The following LYSMD2 variants were observed in gnomAD, a reference collection of about 807,000 sequenced individuals.
LYSMD2 encodes the protein LysM domain containing 2.
In LYSMD2, 6 loss-of-function variants were observed where a neutral mutation model predicts 17.7. The observed-to-expected ratio is 0.34, with a 90% confidence interval of 0.19 to 0.67. The LOEUF is 0.67. Ranked by LOEUF, LYSMD2 falls within the 30% of genes least tolerant of loss-of-function variation. LYSMD2 has a pLI of 0.69. For synonymous variants in LYSMD2, 102 were observed against 129.8 expected (o/e 0.79, Z 1.45); for missense variants, 237 against 286.7 (o/e 0.83, Z 1.25).
intron 1 of LYSMD2, among the ~76,000 whole-genome samples, chr15:51,744,009 T>G (rs1057061590): frequency 6.6e-6 from 1 of 152,154 alleles, no homozygotes; most frequent in African/African-American, 2.4e-5. Context: ...AGTTTGGATT[T>G]TTTTGTTTTA....
intron 1 of LYSMD2, among the ~76,000 whole-genome samples, chr15:51,734,087 G>C (rs953389535): frequency 6.6e-6 from 1 of 152,152 alleles, no homozygotes; most frequent in African/African-American, 2.4e-5. Context: ...AGAGGCTGAG[G>C]CAGGAGAATA....
chr15:51,745,445 A>T (rs911748395), intron 1 of LYSMD2, among the ~76,000 whole-genome samples: 2 of 152,298 alleles, frequency 1.3e-5, no homozygotes, highest in South Asian at 2.1e-4. Flanking sequence ...TAAATTTAAC[A>T]CCTGAAAATC....
chr15:51,723,533 T>C lies in LYSMD2; in HGVS notation c.*74A>G, dbSNP rs924077108. 1.2e-5 allele frequency: 15 copies of C among 1,232,628 alleles called. No individual in the cohort carries two copies. The Admixed American group carries it at 2.4e-4, about 20-fold the overall frequency. 76.4% of individuals were successfully genotyped at this position (1,232,628 alleles called of 1,614,324 possible). On this transcript the variant is annotated 3_prime_UTR_variant, in exon 3 of 3. Coordinates refer to ENST00000267838, the MANE Select transcript of LYSMD2 (RefSeq NM_153374.3). ...TATAGGAATCCAGAAGGGATGTTTT[T>C]GAATCTTCAGTTGTTGGATTCTTTA...
At chr15:51,743,774 A>G (rs2055654157) in intron 1 of LYSMD2, among the ~76,000 whole-genome samples, 1 of 152,188 alleles carries the variant, frequency 6.6e-6, no homozygotes, top group African/African-American at 2.4e-5. Flanking sequence ...CCATTTATTC[A>G]TATCTTCTTT....
At chr15:51,741,644 G>A (rs1463121833), upstream of LYSMD2, among the ~76,000 whole-genome samples, 3 of 152,072 alleles carry the variant, frequency 2.0e-5, no homozygotes, top group Admixed American at 6.5e-5. Flanking sequence ...TTCACAGCCC[G>A]GGTGGTGGTT....
chr15:51,748,261 C>CAAAAAAAAAAAAAA (rs10556304), intron 1 of LYSMD2, among the ~76,000 whole-genome samples: 75 of 60,226 alleles, frequency 1.2e-3, no homozygotes, highest in South Asian at 2.4e-3. Flanking sequence ...GACTCCGTCT[C>CAAAAAAAAAAAAAA]AAAAAAAAAA....
chr15:51,744,451 AT>A (rs977187923), intron 1 of LYSMD2, among the ~76,000 whole-genome samples: 7 of 152,186 alleles, frequency 4.6e-5, no homozygotes, highest in South Asian at 4.1e-4. Context: ...ATATTAATTA[AT>A]TTTTTTGAAT....
upstream of LYSMD2, among the ~76,000 whole-genome samples, chr15:51,739,020 A>G (rs1232476187): frequency 6.6e-6 from 1 of 152,176 alleles, no homozygotes; most frequent in African/African-American, 2.4e-5. Flanking sequence ...CTCCAATGGT[A>G]ACACTCTTCC....
intron 1 of LYSMD2, among the ~76,000 whole-genome samples, chr15:51,727,888 C>T (rs1256339624): frequency 1.3e-5 from 2 of 152,142 alleles, no homozygotes; most frequent in African/African-American, 2.4e-5. Flanking sequence ...TCAAGAACAC[C>T]AGGGATATTC....
rs1392241612 is a variant in LYSMD2 at position 51,723,011 on chromosome 15, T to C, written c.*596A>G. ...AGAAGAAGCTGTCAGCATTTAAATG[T>C]ATAATTTAAAAGTCAATTTTATTTT... On this transcript the variant is annotated 3_prime_UTR_variant, in exon 3 of 3. Coordinates refer to ENST00000267838, the MANE Select transcript of LYSMD2 (RefSeq NM_153374.3). 1 of 152,076 alleles carries C rather than the reference T, an allele frequency of 6.6e-6. No homozygotes were observed. The highest frequency in any genetic ancestry group is 1.5e-5 in the Non-Finnish European group (1 of 67,982). 9.4% of individuals were successfully genotyped at this position (152,076 alleles called of 1,614,324 possible).
In LYSMD2 at chr15:51,730,345, C is replaced by T. The variant is rs559224748; in HGVS notation, c.274-5224G>A. On this transcript the variant is annotated intron_variant, in intron 1 of 2. Coordinates refer to ENST00000267838, the MANE Select transcript of LYSMD2 (RefSeq NM_153374.3). ...TAACATGATGAAACTCCATCTCTAC[C>T]AAAAAGTATCCCCCAAAACATTTAG... Among the ~76,000 whole-genome samples, 11 of 152,162 alleles carry T rather than the reference C, an allele frequency of 7.2e-5. No individual in the cohort carries two copies. The South Asian group carries it at 2.3e-3, about 32-fold the overall frequency.
chr15:51,736,411 G>A (rs2055608885), intron 1 of LYSMD2, among the ~76,000 whole-genome samples: 1 of 152,210 alleles, frequency 6.6e-6, no homozygotes, highest in Non-Finnish European at 1.5e-5. Context: ...AAGATAGAAG[G>A]ACCTGATAGG....
chr15:51,743,897 C>A (rs1013216366), intron 1 of LYSMD2, among the ~76,000 whole-genome samples: 13 of 152,132 alleles, frequency 8.5e-5, no homozygotes, highest in African/African-American at 3.1e-4. Context: ...ATGTAAGTGA[C>A]ATTGTGCTTT....
intron 1 of LYSMD2, among the ~76,000 whole-genome samples, chr15:51,731,873 T>A (rs1297540806): frequency 6.6e-6 from 1 of 151,994 alleles, no homozygotes; most frequent in Non-Finnish European, 1.5e-5. Context: ...AATACAGGGT[T>A]AGGGAAGGAA....
At chr15:51,737,798 C>T, upstream of LYSMD2, 1 of 394,076 alleles carries the variant, frequency 2.5e-6, no homozygotes, top group South Asian at 1.3e-4. The surrounding 1 kb of genome is among the most constrained non-coding windows in gnomAD (Gnocchi z 4.2). Flanking sequence ...GGCGCCTCCT[C>T]CTCTGCGTCC....
chr15:51,746,381 G>A lies in LYSMD2; in HGVS notation c.-1+4890C>T, dbSNP rs568876507. ...CAACATGTTGTATGATTCCATTTAC[G>A]TGAAATATCCAGAATAAGCAAATCT... On this transcript the variant is annotated intron_variant, in intron 1 of 2. Coordinates refer to the LYSMD2 transcript ENST00000454181. Among the ~76,000 whole-genome samples the A allele has an allele frequency of 9.9e-5, 15 of 152,274 alleles. No individual in the cohort carries two copies. In the South Asian group the frequency reaches 1.0e-3, roughly 11 times the overall value.
upstream of LYSMD2, among the ~76,000 whole-genome samples, chr15:51,742,227 A>T (rs1484051786): frequency 1.3e-5 from 2 of 152,008 alleles, no homozygotes; most frequent in African/African-American, 4.8e-5. Context: ...TTTAGTAGAG[A>T]TGGGGTTTCG....
chr15:51,735,548 G>A (rs1314055627), intron 1 of LYSMD2, among the ~76,000 whole-genome samples: 3 of 152,150 alleles, frequency 2.0e-5, no homozygotes, highest in Non-Finnish European at 4.4e-5. Context: ...TGAACTATGT[G>A]TCACTATCAA....
intron 1 of LYSMD2, among the ~76,000 whole-genome samples, chr15:51,725,515 G>A (rs888176652): frequency 6.6e-6 from 1 of 151,884 alleles, no homozygotes; most frequent in African/African-American, 2.4e-5. Flanking sequence ...TACTTATGAA[G>A]TGCTTCCCAT....
Sources: gnomAD v4.1 joint callset for allele counts (sites outside exome capture counted in the v4.1 genomes callset) on GRCh38, gnomAD v4.1.1 for gene constraint, Gnocchi (gnomAD v3.1) non-coding constraint, MANE v1.5 for transcripts, NCBI Gene and HGNC (gene_info 2026-07-23, HGNC 2026-07-21) for gene names.